TPRG1: variants seen among roughly 807,000 people sequenced by gnomAD.
TPRG1 encodes the protein tumor protein p63-regulated gene 1 protein.
Under a neutral mutation model 29.3 loss-of-function variants are expected in TPRG1, and 29 were observed. The observed-to-expected ratio is 0.99, with a 90% confidence interval of 0.74 to 1.35. The LOEUF is 1.35. Ranked by LOEUF, TPRG1 falls within the 40% of genes most tolerant of loss-of-function variation. The pLI is 0.00. For missense variants in TPRG1, 327 were observed against 335.0 expected, an observed-to-expected ratio of 0.98 and a Z score of 0.19; for synonymous variants, 130 against 116.8, an observed-to-expected ratio of 1.11 and a Z score of -0.73.
intron 3 of TPRG1, among the ~76,000 whole-genome samples, chr3:189,137,723 A>G (rs911254980): frequency 6.6e-6 from 1 of 152,148 alleles, no homozygotes; most frequent in African/African-American, 2.4e-5. Flanking sequence ...CCGCATGTCT[A>G]CAACACTTTA....
chr3:189,252,823 G>A (rs997702259), intron 4 of TPRG1, among the ~76,000 whole-genome samples: 1 of 152,068 alleles, frequency 6.6e-6, no homozygotes. Flanking sequence ...CATTTAAAGA[G>A]TTTTAAAAAT....
At chr3:189,076,159 C>A (rs1358805767) in intron 4 of TPRG1, among the ~76,000 whole-genome samples, 1 of 152,136 alleles carries the variant, frequency 6.6e-6, no homozygotes, top group Non-Finnish European at 1.5e-5. Context: ...TAGCTCCAAG[C>A]GGCCTTCTGG....
chr3:189,222,498 G>A (rs1454839440), intron 3 of TPRG1, among the ~76,000 whole-genome samples: 2 of 152,142 alleles, frequency 1.3e-5, no homozygotes, highest in Non-Finnish European at 2.9e-5. Flanking sequence ...GGTACTCAAA[G>A]TGTAGTCCTG....
chr3:189,301,560 G>C (rs1481099588), intron 4 of TPRG1, among the ~76,000 whole-genome samples: 1 of 150,340 alleles, frequency 6.7e-6, no homozygotes. Context: ...TTCATATAAT[G>C]TTTTCCTCCA....
intron 1 of TPRG1, among the ~76,000 whole-genome samples, chr3:189,198,151 GCACA>G (rs1465642168): frequency 6.6e-6 from 1 of 152,124 alleles, no homozygotes; most frequent in East Asian, 1.9e-4. Flanking sequence ...CATCTCAATT[GCACA>G]CACCATATTA....
At chr3:189,088,675 C>A (rs1397834689) in intron 4 of TPRG1, among the ~76,000 whole-genome samples, 3 of 152,034 alleles carry the variant, frequency 2.0e-5, no homozygotes, top group Non-Finnish European at 4.4e-5. Context: ...ACCCCATTTC[C>A]TATATCCAAT....
intron 1 of TPRG1, among the ~76,000 whole-genome samples, chr3:189,101,412 A>T (rs1340412303): frequency 6.6e-6 from 1 of 152,192 alleles, no homozygotes; most frequent in Non-Finnish European, 1.5e-5. Context: ...TCTTAAAAAA[A>T]AAAATTAGGT....
chr3:189,169,146 G>T (rs143656084), upstream of TPRG1, among the ~76,000 whole-genome samples: 248 of 152,286 alleles, frequency 1.6e-3, no homozygotes, highest in African/African-American at 5.5e-3. Flanking sequence ...AGAAGAGGAA[G>T]AACAATAATT....
chr3:189,004,581 T>C (rs1163375416), exon 3 of TPRG1: 1 of 152,208 alleles, frequency 6.6e-6, no homozygotes, highest in Non-Finnish European at 1.5e-5. Flanking sequence ...CTCTGAAGGC[T>C]TAGGCAAGAG....
intron 3 of TPRG1, among the ~76,000 whole-genome samples, chr3:189,231,025 A>G (rs78790569): frequency 0.034 from 5,167 of 152,158 alleles, 114 homozygotes; most frequent in South Asian, 0.068. Flanking sequence ...TGATACTCTC[A>G]TGAGTTTCCA....
At chr3:189,151,029 G>T (rs1280009652) in intron 5 of TPRG1, 1 of 152,122 alleles carries the variant, frequency 6.6e-6, no homozygotes, top group Non-Finnish European at 1.5e-5. Flanking sequence ...CAGTGCTTTG[G>T]ATTTCATTGG....
In TPRG1 at chr3:189,006,702, A is replaced by C. The variant is rs577933373; in HGVS notation, c.-660+1942A>C. 1.3e-4 allele frequency among the ~76,000 whole-genome samples: 20 copies of C among 152,204 alleles called. No homozygotes were observed. In the East Asian group the frequency reaches 3.9e-3, roughly 29 times the overall value. On this transcript the variant is annotated intron_variant, in intron 3 of 10. Coordinates refer to the TPRG1 transcript ENST00000433971. ...AGAGCACTGTCATCACAATCATTAC[A>C]GTCCCAGTTTAAAAAAAAATGTAGT...
chr3:189,171,734 G>A (rs1356168041), upstream of TPRG1, among the ~76,000 whole-genome samples: 1 of 152,150 alleles, frequency 6.6e-6, no homozygotes, highest in African/African-American at 2.4e-5. Context: ...CAGAAGCCAT[G>A]GAGGAATGGA....
chr3:189,316,095 T>A (rs1400765201), intron 5 of TPRG1, among the ~76,000 whole-genome samples: 1 of 152,178 alleles, frequency 6.6e-6, no homozygotes, highest in Admixed American at 6.6e-5. Context: ...TAGCTAAGTT[T>A]AAAGTGCACT....
chr3:189,178,858 C>A (rs907522458), intron 1 of TPRG1, among the ~76,000 whole-genome samples: 1 of 152,212 alleles, frequency 6.6e-6, no homozygotes, highest in Admixed American at 6.5e-5. Flanking sequence ...ACTCACACTT[C>A]TGAGCAATGT....
intron 4 of TPRG1, among the ~76,000 whole-genome samples, chr3:189,091,226 C>T (rs1482818816): frequency 6.6e-6 from 1 of 152,076 alleles, no homozygotes; most frequent in Non-Finnish European, 1.5e-5. Context: ...TTTCTTCTTC[C>T]AGTGGTTTGT....
chr3:189,015,560 C>G (rs1712885535), intron 3 of TPRG1, among the ~76,000 whole-genome samples: 1 of 152,200 alleles, frequency 6.6e-6, no homozygotes, highest in African/African-American at 2.4e-5. Flanking sequence ...ACCTTCGTGA[C>G]AGCCCCTCCC....
intron 3 of TPRG1, among the ~76,000 whole-genome samples, chr3:189,138,826 T>C (rs1724126518): frequency 6.6e-6 from 1 of 152,052 alleles, no homozygotes; most frequent in African/African-American, 2.4e-5. Context: ...AAGATAGAAC[T>C]TGATGAAAGT....
intron 2 of TPRG1, among the ~76,000 whole-genome samples, chr3:189,212,905 A>G (rs1020955260): frequency 6.6e-6 from 1 of 152,214 alleles, no homozygotes; most frequent in Admixed American, 6.5e-5. Context: ...AAACAAACAC[A>G]TATGTTTTCA....
Sources: gnomAD v4.1 joint callset for allele counts (sites outside exome capture counted in the v4.1 genomes callset) on GRCh38, gnomAD v4.1.1 for gene constraint, MANE v1.5 for transcripts, NCBI Gene and HGNC (gene_info 2026-07-23, HGNC 2026-07-21) for gene names.